LGI1: variants seen among roughly 807,000 people sequenced by gnomAD.
LGI1 encodes the protein leucine-rich glioma-inactivated protein 1.
A neutral mutation model predicts 57.7 loss-of-function variants in LGI1; 11 were observed. The ratio of observed to expected loss-of-function variants is 0.19; its 90% CI spans 0.12 to 0.32. The LOEUF (loss-of-function observed/expected upper bound fraction) is 0.32. Ranked by LOEUF, LGI1 falls within the 10% of genes least tolerant of loss-of-function variation. The probability of loss-of-function intolerance (pLI) is 1.00; values close to 1 mark genes in which losing one functional copy is unlikely to be tolerated. For missense variants in LGI1, 422 were observed against 661.9 expected, an observed-to-expected ratio of 0.64 and a Z score of 3.98; for synonymous variants, 222 against 241.9, an observed-to-expected ratio of 0.92 and a Z score of 0.76.
intron 4 of LGI1, chr10:93,778,970 T>C (rs2059821487): frequency 6.6e-6 from 1 of 152,180 alleles, no homozygotes; most frequent in Non-Finnish European, 1.5e-5. Context: ...AAATCATGCC[T>C]TTCAAGGCTT....
chr10:93,771,108 C>T (rs182364015), intron 2 of LGI1: 1 of 152,038 alleles, frequency 6.6e-6, no homozygotes, highest in African/African-American at 2.4e-5. Context: ...AAAAATGTGC[C>T]AGACATTTGA....
At chr10:93,774,945 A>G (rs987581160) in intron 2 of LGI1, among the ~76,000 whole-genome samples, 2 of 152,216 alleles carry the variant, frequency 1.3e-5, no homozygotes, top group South Asian at 4.1e-4. Flanking sequence ...CCACTCAACT[A>G]TCTTTAGAAT....
chr10:93,765,578 T>C (rs756328852), intron 2 of LGI1: 2 of 152,206 alleles, frequency 1.3e-5, no homozygotes, highest in Non-Finnish European at 2.9e-5. Flanking sequence ...TTGAGACCCT[T>C]GCATTCAATT....
intron 4 of LGI1, among the ~76,000 whole-genome samples, chr10:93,786,335 T>C (rs7087537): frequency 0.88 from 40,612 of 45,976 alleles, 19,265 homozygotes; most frequent in East Asian, 1. Flanking sequence ...TGAACCCTCA[T>C]TGGACAGAAC....
At chr10:93,767,376 T>G (rs1259814259) in intron 2 of LGI1, 1 of 152,180 alleles carries the variant, frequency 6.6e-6, no homozygotes, top group Non-Finnish European at 1.5e-5. Flanking sequence ...CAAATAAATT[T>G]GGGAAACTGC....
chr10:93,792,760 C>T lies in LGI1; in HGVS notation c.521C>T (p.Ser174Leu). 6.2e-7 allele frequency: 1 copy of T among 1,614,070 alleles called. No individual in the cohort carries two copies. Among genetic ancestry groups the T allele is most frequent in the South Asian group, 1.1e-5 (1 of 91,074 alleles). Residue 174 changes from serine (S) to leucine (L), a missense_variant, in exon 6 of 8, where the codon TCA becomes TTA. By Grantham distance (145) the Ser-to-Leu change is moderately radical (BLOSUM62 -2). Around this residue, in one of 3 missense-constraint regions of LGI1, gnomAD observed 301 missense variants for 461.7 expected, o/e 0.65. Transcript: ENST00000371418. ...TCTTTCAGGGACCTGAGGGGTAATT[C>T]ATTTAATTGTGACTGTAAACTGAAA... ...SLTNVDLRGN[S>L]FNCDCKLKWL...
chr10:93,793,427 A>T, intron 7 of LGI1, 77 bp downstream of exon 7: 1 of 1,231,822 alleles, frequency 8.1e-7, no homozygotes, highest in East Asian at 2.3e-5. Flanking sequence ...GATGAGTGGT[A>T]TAGGGGAATG....
At chr10:93,768,558 C>T (rs1415366403) in intron 2 of LGI1, 1 of 152,202 alleles carries the variant, frequency 6.6e-6, no homozygotes, top group African/African-American at 2.4e-5. Context: ...GGAGGGTGGG[C>T]TGCTGACTAG....
At chr10:93,796,857 A>T (rs1825549368) in intron 7 of LGI1, 111 bp from the exon 8 acceptor site, 1 of 875,916 alleles carries the variant, frequency 1.1e-6, no homozygotes, top group Admixed American at 1.9e-5. Flanking sequence ...AACCAAGGAG[A>T]TCTCTTGTTT....
chr10:93,758,077 T>C lies in LGI1; in HGVS notation c.-68T>C, dbSNP rs924639198. 4 of 1,435,222 alleles carry C rather than the reference T, an allele frequency of 2.8e-6. No homozygotes were observed. The East Asian group carries it at 6.9e-5, about 25-fold the overall frequency. The allele number at this position is 1,435,222 out of a possible 1,614,324, so 88.9% of individuals were successfully genotyped here. On this transcript the variant is annotated 5_prime_UTR_variant, in exon 1 of 8. Transcript: ENST00000371418. The surrounding 1 kb of genome is among the most constrained non-coding windows in gnomAD (Gnocchi z 4.7). ...GGTGGACTCCTATGTGACCTGTTCT[T>C]AGAGCAAGACAATCACCATCTGAAT...
chr10:93,785,564 G>A (rs1272517736), intron 4 of LGI1, among the ~76,000 whole-genome samples: 2 of 152,142 alleles, frequency 1.3e-5, no homozygotes, highest in Non-Finnish European at 2.9e-5. Context: ...ACTCCCCTAA[G>A]TGATGCAGGA....
intron 2 of LGI1, among the ~76,000 whole-genome samples, chr10:93,761,877 A>G (rs7897341): frequency 0.29 from 43,572 of 152,074 alleles, 6,600 homozygotes; most frequent in South Asian, 0.42. Context: ...GACAACGATT[A>G]TGCGTTCTAG....
At chr10:93,782,105 C>T (rs1289410558) in intron 4 of LGI1, among the ~76,000 whole-genome samples, 2 of 152,184 alleles carry the variant, frequency 1.3e-5, no homozygotes, top group Non-Finnish European at 2.9e-5. Context: ...GTTCAACTGT[C>T]TCTCTGCCAG....
At chr10:93,796,402 TG>T (rs1345383762) in intron 7 of LGI1, among the ~76,000 whole-genome samples, 4 of 152,146 alleles carry the variant, frequency 2.6e-5, no homozygotes, top group Non-Finnish European at 1.5e-5. Context: ...TTTGAAGTCC[TG>T]GAATAGCTAA....
chr10:93,783,246 G>T (rs918156606), intron 4 of LGI1, among the ~76,000 whole-genome samples: 2 of 152,050 alleles, frequency 1.3e-5, no homozygotes, highest in Admixed American at 6.5e-5. Flanking sequence ...CGTGGTGGCG[G>T]GCGCCTGTAG....
chr10:93,780,894 C>T (rs1280978630), intron 4 of LGI1, among the ~76,000 whole-genome samples: 6 of 152,144 alleles, frequency 3.9e-5, no homozygotes, highest in Admixed American at 1.3e-4. Context: ...TGGGATTAGA[C>T]GTATACTTTC....
intron 4 of LGI1, 44 bp downstream of exon 4, chr10:93,777,661 C>A (rs1361578589): frequency 6.7e-7 from 1 of 1,490,368 alleles, no homozygotes; most frequent in Non-Finnish European, 9.3e-7. Context: ...TGCTAATGGA[C>A]AATGCAGTTT....
chr10:93,786,869 C>T (rs911357845), intron 4 of LGI1, among the ~76,000 whole-genome samples: 1 of 152,216 alleles, frequency 6.6e-6, no homozygotes, highest in Non-Finnish European at 1.5e-5. Context: ...GCTGGGATTA[C>T]GGGCGTGAGC....
chr10:93,787,641 C>T (rs2059901819), intron 4 of LGI1, among the ~76,000 whole-genome samples: 1 of 152,112 alleles, frequency 6.6e-6, no homozygotes, highest in African/African-American at 2.4e-5. Context: ...GGTACAGTGG[C>T]TCACACCTGT....
Sources: gnomAD v4.1 joint callset for allele counts (sites outside exome capture counted in the v4.1 genomes callset) on GRCh38, gnomAD v4.1.1 for gene constraint, gnomAD v4.1.1 regional missense constraint, Gnocchi (gnomAD v3.1) non-coding constraint, MANE v1.5 for transcripts, NCBI Gene and HGNC (gene_info 2026-07-23, HGNC 2026-07-21) for gene names.